LSAMP: variants seen among roughly 807,000 people sequenced by gnomAD.
LSAMP encodes the protein limbic system associated membrane protein.
In LSAMP, 7 loss-of-function variants were observed where a neutral mutation model predicts 38.6. The ratio of observed to expected loss-of-function variants is 0.18; its 90% CI spans 0.10 to 0.34. The LOEUF (loss-of-function observed/expected upper bound fraction) is 0.34. LSAMP is among the 10% of genes least tolerant of loss of function. The pLI is 1.00. For missense variants in LSAMP, 313 were observed against 420.0 expected, an observed-to-expected ratio of 0.75 and a Z score of 2.23; for synonymous variants, 154 against 166.8, an observed-to-expected ratio of 0.92 and a Z score of 0.59.
chr3:116,304,858 A>T (rs1282489716), intron 1 of LSAMP, among the ~76,000 whole-genome samples: 1 of 152,084 alleles, frequency 6.6e-6, no homozygotes, highest in Non-Finnish European at 1.5e-5. Flanking sequence ...GGTGGGGAAG[A>T]TGGAGGATGG....
Position 115,841,835 on chromosome 3 carries a change from G to T in LSAMP, c.919+10C>A, listed in dbSNP as rs774933578. 6.3e-7 allele frequency: 1 copy of T among 1,594,918 alleles called. No individual in the cohort carries two copies. The highest frequency in any genetic ancestry group is 1.1e-5 in the South Asian group (1 of 87,440). Reference sequence around the variant, plus strand: ...TTCCATCAAGTTGGGCCCTGCTTTGGCATACTTACTGAAAAGGACTAGGCT... The same window carrying T: ...TTCCATCAAGTTGGGCCCTGCTTTGTCATACTTACTGAAAAGGACTAGGCT... On this transcript the variant is annotated intron_variant, in intron 6 of 6. Transcript: ENST00000490035.
intron 2 of LSAMP, among the ~76,000 whole-genome samples, chr3:116,049,146 C>G (rs966249014): frequency 6.6e-6 from 1 of 152,148 alleles, no homozygotes; most frequent in African/African-American, 2.4e-5. Flanking sequence ...CAGGGTTGTC[C>G]ATCTGTCCTA....
At chr3:116,121,004 C>T (rs1308075602) in intron 1 of LSAMP, among the ~76,000 whole-genome samples, 1 of 152,160 alleles carries the variant, frequency 6.6e-6, no homozygotes, top group Non-Finnish European at 1.5e-5. Context: ...AAACCCATTA[C>T]AGGAACTCCA....
At chr3:116,331,941 A>C (rs1441708511) in intron 1 of LSAMP, among the ~76,000 whole-genome samples, 2 of 152,002 alleles carry the variant, frequency 1.3e-5, no homozygotes, top group Admixed American at 6.6e-5. Flanking sequence ...GGGCTCAAAA[A>C]GTCCTCTCAC....
At chr3:116,275,999 A>G (rs756753111) in intron 1 of LSAMP, among the ~76,000 whole-genome samples, 8 of 152,212 alleles carry the variant, frequency 5.3e-5, no homozygotes, top group Non-Finnish European at 7.3e-5. Context: ...GCATGAGGAG[A>G]CAGAAAACAA....
chr3:116,335,741 A>G (rs531645207), intron 1 of LSAMP, among the ~76,000 whole-genome samples: 2 of 152,164 alleles, frequency 1.3e-5, no homozygotes, highest in African/African-American at 4.8e-5. Flanking sequence ...TGCTCAGAAC[A>G]CTTACATTAG....
chr3:116,005,809 G>T (rs1467522264), intron 3 of LSAMP, among the ~76,000 whole-genome samples: 1 of 152,150 alleles, frequency 6.6e-6, no homozygotes, highest in African/African-American at 2.4e-5. Flanking sequence ...CTAGTTTTCT[G>T]GCATTATAGA....
intron 1 of LSAMP, among the ~76,000 whole-genome samples, chr3:116,183,032 T>C (rs1452931995): frequency 6.6e-6 from 1 of 151,836 alleles, no homozygotes; most frequent in African/African-American, 2.4e-5. Flanking sequence ...AGTATCTCCT[T>C]TGAGTTTTCA....
At chr3:115,896,607 G>C (rs1936734614) in intron 3 of LSAMP, among the ~76,000 whole-genome samples, 1 of 152,014 alleles carries the variant, frequency 6.6e-6, no homozygotes, top group Admixed American at 6.6e-5. Flanking sequence ...TTATGAACTT[G>C]TACCATTCAT....
At chr3:115,974,708 T>C (rs1939129599) in intron 3 of LSAMP, among the ~76,000 whole-genome samples, 1 of 152,126 alleles carries the variant, frequency 6.6e-6, no homozygotes, top group Non-Finnish European at 1.5e-5. Context: ...GGTGAAAAAA[T>C]GACTAATCTC....
chr3:116,013,103 T>A (rs1299035374), intron 3 of LSAMP, among the ~76,000 whole-genome samples: 1 of 152,178 alleles, frequency 6.6e-6, no homozygotes, highest in East Asian at 1.9e-4. Context: ...CAAGAACACA[T>A]CTAGGCTGAT....
At position 115,953,404 on chromosome 3, in the gene LSAMP, T is replaced by TACACACACACACACACACACAC. The variant is rs71616336; in HGVS notation, c.514+66089_514+66110dup. 2.1e-3 allele frequency among the ~76,000 whole-genome samples: 296 copies of TACACACACACACACACACACAC among 143,686 alleles called. 1 individual carries two copies. The highest frequency in any genetic ancestry group is 6.9e-3 in the East Asian group (31 of 4,514). 94.3% of individuals were successfully genotyped at this position (143,686 alleles called of 152,430 possible). On this transcript the variant is annotated intron_variant, in intron 3 of 6. Coordinates refer to ENST00000490035, the MANE Select transcript of LSAMP (RefSeq NM_002338.5). ...GGGATGAAACAAAATGTAGTGTGCG[T>TACACACACACACACACACACAC]ACACACACACACACACACACACACA... is the stretch of plus-strand genomic sequence containing the variant.
intron 3 of LSAMP, among the ~76,000 whole-genome samples, chr3:115,933,295 T>C (rs1261678622): frequency 6.6e-6 from 1 of 152,102 alleles, no homozygotes; most frequent in East Asian, 1.9e-4. Flanking sequence ...TACTGGAGAT[T>C]TGAAAGACTG....
intron 1 of LSAMP, among the ~76,000 whole-genome samples, chr3:116,426,618 AAAAT>A (rs764984152): frequency 6.6e-6 from 1 of 152,200 alleles, no homozygotes; most frequent in Non-Finnish European, 1.5e-5. Flanking sequence ...AGTGTAAAGA[AAAAT>A]AAAGGCAAAA....
chr3:116,400,832 T>C (rs778907637), intron 1 of LSAMP, among the ~76,000 whole-genome samples: 2 of 152,160 alleles, frequency 1.3e-5, no homozygotes, highest in Non-Finnish European at 2.9e-5. Context: ...TTTTTCCACA[T>C]TCTACCTTTT....
chr3:116,062,502 C>A lies in LSAMP; in HGVS notation c.388+23822G>T, dbSNP rs143964165. Among the ~76,000 whole-genome samples the A allele has an allele frequency of 8.3e-3, 1,262 of 151,832 alleles. 10 individuals are homozygous for A. The highest frequency in any genetic ancestry group is 0.017 in the South Asian group (82 of 4,794). On this transcript the variant is annotated intron_variant, in intron 2 of 6. Coordinates refer to ENST00000490035, the MANE Select transcript of LSAMP (RefSeq NM_002338.5). ...CTGCACTCCAACTTGGGCGACAGAG[C>A]GAGACTCCCTCTCAAAAAAAAATTA...
chr3:116,352,416 G>C (rs1339752515), intron 1 of LSAMP, among the ~76,000 whole-genome samples: 1 of 152,096 alleles, frequency 6.6e-6, no homozygotes. Context: ...GTAGTGCAAA[G>C]AGAAACTGAA....
Position 115,810,150 on chromosome 3 carries a change from T to TTTC in LSAMP, c.*164_*166dup, listed in dbSNP as rs1933769524. 5.1e-6 allele frequency: 3 copies of TTTC among 584,552 alleles called. No homozygotes were observed. The highest frequency in any genetic ancestry group is 9.1e-6 in the Non-Finnish European group (3 of 330,778). 36.2% of individuals were successfully genotyped at this position (584,552 alleles called of 1,614,324 possible). On this transcript the variant is annotated 3_prime_UTR_variant, in exon 7 of 7. Transcript: ENST00000490035. ...TGTAAAATTGTTTTAAATGTTGTATTTTCTTCTTCACTTTCTTATTTCCCC... is the reference window on the plus strand; with the variant it reads ...TGTAAAATTGTTTTAAATGTTGTATTTTCTTCTTCTTCACTTTCTTATTTCCCC...
In LSAMP at chr3:116,271,797, G is replaced by A. The variant is rs550454825; in HGVS notation, c.155+173080C>T. On this transcript the variant is annotated intron_variant, in intron 1 of 6. Transcript: ENST00000490035. ...GAAGCTGCACTTTCATTACTGTTCC[G>A]TGGGTACAGTAATCCAATAATATGC... Among the ~76,000 whole-genome samples the A allele has an allele frequency of 1.4e-4, 21 of 152,072 alleles. No individual in the cohort carries two copies. The South Asian group carries it at 2.5e-3, about 18-fold the overall frequency.
Sources: allele counts gnomAD v4.1 joint callset (sites outside exome capture counted in the v4.1 genomes callset), GRCh38; gene constraint gnomAD v4.1.1; transcripts MANE v1.5; gene names NCBI Gene and HGNC (gene_info 2026-07-23, HGNC 2026-07-21).